RCN2: variants seen among roughly 807,000 people sequenced by gnomAD.
RCN2 encodes reticulocalbin-2.
Under a neutral mutation model 37.5 loss-of-function variants are expected in RCN2, and 23 were observed. The ratio of observed to expected loss-of-function variants is 0.61; its 90% CI spans 0.44 to 0.87. RCN2 has a LOEUF of 0.87. Among genes scored for constraint, RCN2 ranks in the 40% least tolerant of loss-of-function variants. The pLI, the probability that RCN2 is intolerant of heterozygous loss-of-function variation, is 0.00. For missense variants in RCN2, 381 were observed against 390.4 expected, an observed-to-expected ratio of 0.98 and a Z score of 0.20; for synonymous variants, 140 against 144.6, an observed-to-expected ratio of 0.97 and a Z score of 0.23.
chr15:76,931,988 G>T lies in RCN2; in HGVS notation c.144+3G>T. On this transcript the variant is annotated splice_donor_region_variant and intron_variant, in intron 1 of 6. Coordinates refer to ENST00000394885, the MANE Select transcript of RCN2 (RefSeq NM_002902.3). The stretch of plus-strand genomic sequence containing the variant: ...GCGAGGCGCTGCTGGGCGTCCAGGT[G>T]AGGCGGCCAGGCCGGTGCTGGGAGG... 7.9e-7 allele frequency: 1 copy of T among 1,262,118 alleles called. No homozygotes were observed. Among genetic ancestry groups the T allele is most frequent in the Non-Finnish European group, 9.9e-7 (1 of 1,008,428 alleles). The allele number at this position is 1,262,118 out of a possible 1,614,324, so 78.2% of individuals were successfully genotyped here.
intron 4 of RCN2, 84 bp from the exon 5 acceptor site, chr15:76,947,336 AG>A: frequency 1.3e-6 from 1 of 756,822 alleles, no homozygotes; most frequent in Non-Finnish European, 2.2e-6. Flanking sequence ...TTTCTAAAGA[AG>A]TTCTGTAGTA....
At chr15:76,944,475 C>T (rs926385828) in intron 4 of RCN2, among the ~76,000 whole-genome samples, 2 of 152,056 alleles carry the variant, frequency 1.3e-5, no homozygotes, top group Non-Finnish European at 2.9e-5. Context: ...CTTATTCATT[C>T]TTACTGTTTT....
chr15:76,936,900 C>G (rs996424616), intron 3 of RCN2, among the ~76,000 whole-genome samples: 6 of 152,182 alleles, frequency 3.9e-5, no homozygotes, highest in African/African-American at 1.4e-4. Context: ...TTTCATCTTA[C>G]AGAGTGGAGA....
intron 2 of RCN2, among the ~76,000 whole-genome samples, chr15:76,932,972 A>G (rs534064369): frequency 1.3e-5 from 2 of 152,270 alleles, no homozygotes; most frequent in Admixed American, 6.5e-5. Flanking sequence ...CTTTGTAGAG[A>G]TGAAGAAATG....
At position 76,934,184 on chromosome 15, in the gene RCN2, C is replaced by CATG. The variant is rs1311489868; in HGVS notation, c.251-1342_251-1341insATG. 7.6e-4 allele frequency among the ~76,000 whole-genome samples: 115 copies of CATG among 151,758 alleles called. 6 individuals are homozygous for CATG. In the South Asian group the frequency reaches 0.021, roughly 28 times the overall value. On this transcript the variant is annotated intron_variant, in intron 2 of 6. Coordinates refer to ENST00000394885, the MANE Select transcript of RCN2 (RefSeq NM_002902.3). ...TTGAGGCAGAGTCTCGCTCTTGTCA[C>CATG]CCATGTTGGCGTGCAGTAGTGTGAT...
rs1379817378 is a variant in RCN2, at chr15:76,954,074, C to G, written c.*4852C>G. ...TTTTCTTTTTTTTTTTTAATAGTAG[C>G]CATCCTGTTGGGTGAGACGTGGTAT... On this transcript the variant is annotated 3_prime_UTR_variant, in exon 7 of 7. Coordinates refer to ENST00000394885, the MANE Select transcript of RCN2 (RefSeq NM_002902.3). The G allele has an allele frequency of 6.8e-6, 1 of 146,762 alleles. No individual in the cohort carries two copies. The highest frequency in any genetic ancestry group is 1.5e-5 in the Non-Finnish European group (1 of 67,204). 9.1% of individuals were successfully genotyped at this position (146,762 alleles called of 1,614,324 possible). A position where few individuals can be genotyped will look rare whatever the true frequency, so the allele number is the denominator to read the frequency against.
chr15:76,946,640 T>A (rs1320345606), intron 4 of RCN2, among the ~76,000 whole-genome samples: 2 of 152,144 alleles, frequency 1.3e-5, no homozygotes, highest in Non-Finnish European at 2.9e-5. Flanking sequence ...TAGTCCCAGC[T>A]GCTTTGGAGG....
Position 76,931,790 on chromosome 15 carries a change from C to G in RCN2, c.-52C>G. ...GCGGAGCATCGCAGCCGGCCCGGGC[C>G]CCCGCCAGCCTCCCTCCTCGCGTCC... On this transcript the variant is annotated 5_prime_UTR_variant, in exon 1 of 7. Transcript: ENST00000394885. The G allele has an allele frequency of 8.4e-7, 1 of 1,190,510 alleles. No individual in the cohort carries two copies. Among genetic ancestry groups the G allele is most frequent in the East Asian group, 3.7e-5 (1 of 26,994 alleles). The allele number at this position is 1,190,510 out of a possible 1,614,324, so 73.7% of individuals were successfully genotyped here.
Position 76,949,104 on chromosome 15 carries a change from G to T in RCN2, c.836G>T (p.Gly279Val), listed in dbSNP as rs749632542. Residue 279 changes from glycine (G) to valine (V), a missense_variant, in exon 7 of 7, where the codon GGT becomes GTT. Coordinates refer to ENST00000394885, the MANE Select transcript of RCN2 (RefSeq NM_002902.3). ...LHLIDEMDLN[G>V]DKKLSEEEIL... The stretch of plus-strand genomic sequence containing the variant: ...CTAATTGATGAAATGGATTTGAATG[G>T]TGACAAAAAGCTCTCTGAAGAAGAG... The T allele has an allele frequency of 6.2e-7, 1 of 1,609,334 alleles. No individual in the cohort carries two copies. Among genetic ancestry groups the T allele is most frequent in the Admixed American group, 1.7e-5 (1 of 58,804 alleles).
intron 3 of RCN2, among the ~76,000 whole-genome samples, chr15:76,936,010 A>G (rs1320781444): frequency 1.3e-5 from 2 of 152,190 alleles, no homozygotes; most frequent in Non-Finnish European, 2.9e-5. Context: ...GAGTATCTCA[A>G]TATTTTAATA....
Position 76,931,759 on chromosome 15 carries a change from C to T in RCN2, c.-83C>T, listed in dbSNP as rs2075221301. Reference sequence around the variant, plus strand: ...CGTACGTCGCACCGCCTCTCTGTAGCCGCCCGCGGAGCATCGCAGCCGGCC... The same window carrying T: ...CGTACGTCGCACCGCCTCTCTGTAGTCGCCCGCGGAGCATCGCAGCCGGCC... On this transcript the variant is annotated 5_prime_UTR_variant, in exon 1 of 7. Transcript: ENST00000394885. 1 of 1,083,214 alleles carries T rather than the reference C, an allele frequency of 9.2e-7. No individual in the cohort carries two copies. The highest frequency in any genetic ancestry group is 1.2e-6 in the Non-Finnish European group (1 of 866,224). The allele number at this position is 1,083,214 out of a possible 1,614,324, so 67.1% of individuals were successfully genotyped here. A position where few individuals can be genotyped will look rare whatever the true frequency, so the allele number is the denominator to read the frequency against.
rs763993456 is a variant in RCN2 at position 76,935,666 on chromosome 15, ATTGACT to A, written c.396_401del (p.Phe133_Asp134del). ...TAACATTCAGATGTATGATCGTGTG[ATTGACT>A]TTGATGAGAACACTGCTCTGGATGA... On this transcript the variant is annotated inframe_deletion, in exon 3 of 7. Coordinates refer to ENST00000394885, the MANE Select transcript of RCN2 (RefSeq NM_002902.3). The A allele has an allele frequency of 4.3e-6, 7 of 1,613,978 alleles. No homozygotes were observed. Among genetic ancestry groups the A allele is most frequent in the Non-Finnish European group, 5.9e-6 (7 of 1,179,976 alleles).
In RCN2 at chr15:76,947,369, G is replaced by A. The variant is rs1596006989; in HGVS notation, c.562-52G>A. 2.7e-6 allele frequency: 3 copies of A among 1,105,970 alleles called. No homozygotes were observed. The East Asian group carries it at 7.2e-5, about 26-fold the overall frequency. 68.5% of individuals were successfully genotyped at this position (1,105,970 alleles called of 1,614,324 possible). Reference sequence around the variant, plus strand: ...AGTAGAATTGAATCGGATGGCAGTGGGACTGAACATTTTGTAACTTTTTTT... The same window carrying A: ...AGTAGAATTGAATCGGATGGCAGTGAGACTGAACATTTTGTAACTTTTTTT... On this transcript the variant is annotated intron_variant, in intron 4 of 6. Transcript: ENST00000394885.
At chr15:76,934,998 G>A (rs930696562) in intron 2 of RCN2, among the ~76,000 whole-genome samples, 7 of 152,196 alleles carry the variant, frequency 4.6e-5, no homozygotes, top group African/African-American at 1.7e-4. Flanking sequence ...AACTTTTATG[G>A]AGCTTACATT....
At chr15:76,932,339 T>A in intron 1 of RCN2, 22 bp from the exon 2 acceptor site, 3 of 1,578,986 alleles carry the variant, frequency 1.9e-6, no homozygotes, top group Non-Finnish European at 2.6e-6. Flanking sequence ...TTGGCCCTCC[T>A]GTGTGTCGCT....
intron 2 of RCN2, 95 bp from the exon 3 acceptor site, chr15:76,935,431 C>G: frequency 1.1e-6 from 1 of 895,784 alleles, no homozygotes; most frequent in East Asian, 2.5e-5. Flanking sequence ...TTGCAAACAT[C>G]AAAGATTTTG....
intron 4 of RCN2, among the ~76,000 whole-genome samples, chr15:76,945,344 G>A (rs1313710731): frequency 6.6e-6 from 1 of 152,118 alleles, no homozygotes; most frequent in Non-Finnish European, 1.5e-5. Context: ...ACTTATGAAA[G>A]CTTTTGGTCT....
rs71143379 is a variant in RCN2, at chr15:76,953,593, ATTTTTTTTTTTT to A, written c.*4392_*4403del. 1 of 9,836 alleles carries A rather than the reference ATTTTTTTTTTTT, an allele frequency of 1.0e-4. No individual in the cohort carries two copies. Among genetic ancestry groups the A allele is most frequent in the African/African-American group, 3.4e-4 (1 of 2,974 alleles). The allele number at this position is 9,836 out of a possible 1,614,324, so 0.6% of individuals were successfully genotyped here. ...TATATATATATATATATATATATAT[ATTTTTTTTTTTT>A]TTTTTTTTTTTTTTTTTTTTGAGAC... On this transcript the variant is annotated 3_prime_UTR_variant, in exon 7 of 7. Transcript: ENST00000394885.
intron 2 of RCN2, among the ~76,000 whole-genome samples, chr15:76,933,142 A>G (rs1326042586): frequency 6.6e-6 from 1 of 152,222 alleles, no homozygotes; most frequent in Non-Finnish European, 1.5e-5. Flanking sequence ...CAGACTATTA[A>G]AAGAATGTTC....
Sources: gnomAD v4.1 joint callset for allele counts (sites outside exome capture counted in the v4.1 genomes callset) on GRCh38, gnomAD v4.1.1 for gene constraint, MANE v1.5 for transcripts, NCBI Gene and HGNC (gene_info 2026-07-23, HGNC 2026-07-21) for gene names.